The following SHISA9 variants were observed in gnomAD, a reference collection of about 807,000 sequenced individuals.
SHISA9 encodes shisa family member 9, also known as protein shisa-9.
Under a neutral mutation model 38.0 loss-of-function variants are expected in SHISA9, and 13 were observed. That is an observed-to-expected ratio of 0.34 (90% CI 0.22 to 0.54). The LOEUF (loss-of-function observed/expected upper bound fraction) is 0.54, where lower values mean the gene tolerates loss of function less well. Among genes scored for constraint, SHISA9 ranks in the 20% least tolerant of loss-of-function variants. The pLI is 0.91. For synonymous variants in SHISA9, 275 were observed against 242.0 expected (o/e 1.14, Z -1.27); for missense variants, 538 against 575.8 (o/e 0.93, Z 0.67).
At position 13,238,797 on chromosome 16, in the gene SHISA9, T is replaced by A. The variant is rs527713847; in HGVS notation, c.*3388T>A. On this transcript the variant is annotated 3_prime_UTR_variant, in exon 5 of 5. Transcript: ENST00000558583. ...GAAGGTCTTTTTATTCTTTTTTTTT[T>A]AATGTATCCATGGAGTATTTATTAT... is the stretch of plus-strand genomic sequence containing the variant. 6.8e-6 allele frequency: 1 copy of A among 145,988 alleles called. No individual in the cohort carries two copies. The highest frequency in any genetic ancestry group is 7.0e-5 in the Admixed American group (1 of 14,300). The allele number at this position is 145,988 out of a possible 1,614,324, so 9.0% of individuals were successfully genotyped here. A position where few individuals can be genotyped will look rare whatever the true frequency, so the allele number is the denominator to read the frequency against.
the SHISA9 span, among the ~76,000 whole-genome samples, chr16:13,266,099 T>C: frequency 6.6e-6 from 1 of 152,184 alleles, no homozygotes; most frequent in African/African-American, 2.4e-5. Context: ...TTTTTAAATA[T>C]CAAAGCAATT....
chr16:13,536,188 G>T, the SHISA9 span, among the ~76,000 whole-genome samples: 1 of 151,930 alleles, frequency 6.6e-6, no homozygotes, highest in Non-Finnish European at 1.5e-5. Context: ...TAGTAGAGAT[G>T]GGGTTTCACT....
At chr16:12,983,986 A>G (rs1295205291) in intron 2 of SHISA9, among the ~76,000 whole-genome samples, 1 of 152,142 alleles carries the variant, frequency 6.6e-6, no homozygotes, top group Admixed American at 6.6e-5. Flanking sequence ...ATTGGTACCC[A>G]TTCTACTTGG....
chr16:12,995,393 A>G (rs1260253076), intron 2 of SHISA9, among the ~76,000 whole-genome samples: 2 of 152,214 alleles, frequency 1.3e-5, no homozygotes, highest in African/African-American at 4.8e-5. Flanking sequence ...CTGAGAAAGC[A>G]GGTGCCTTGG....
intron 2 of SHISA9, among the ~76,000 whole-genome samples, chr16:13,084,463 T>G (rs946223675): frequency 2.0e-5 from 3 of 152,164 alleles, no homozygotes; most frequent in Non-Finnish European, 1.5e-5. Flanking sequence ...CTCAGGTGCC[T>G]TAGAGTGAGA....
chr16:13,003,039 A>C (rs1384400297), intron 2 of SHISA9, among the ~76,000 whole-genome samples: 1 of 152,200 alleles, frequency 6.6e-6, no homozygotes, highest in African/African-American at 2.4e-5. Flanking sequence ...CTGAAGGAAT[A>C]GTTGGTGTTG....
the SHISA9 span, among the ~76,000 whole-genome samples, chr16:13,299,057 A>G: frequency 3.3e-5 from 5 of 152,204 alleles, no homozygotes; most frequent in South Asian, 4.1e-4. Context: ...TAAGGGGCCT[A>G]CAGAAGGATG....
the SHISA9 span, among the ~76,000 whole-genome samples, chr16:13,551,119 A>G: frequency 2.2e-5 from 3 of 138,712 alleles, no homozygotes; most frequent in East Asian, 6.1e-4. Context: ...GAGAGACTCC[A>G]TCTCGAAAAA....
chr16:13,219,192 T>A (rs2051199220), intron 4 of SHISA9, among the ~76,000 whole-genome samples: 1 of 152,200 alleles, frequency 6.6e-6, no homozygotes, highest in African/African-American at 2.4e-5. Flanking sequence ...AAGATTGCAA[T>A]AAACATTTGA....
chr16:12,930,369 G>C (rs1463713061), intron 2 of SHISA9, among the ~76,000 whole-genome samples: 2 of 152,194 alleles, frequency 1.3e-5, no homozygotes, highest in African/African-American at 4.8e-5. Context: ...TGAGTATCAA[G>C]AGTTGTTGCA....
intron 4 of SHISA9, among the ~76,000 whole-genome samples, chr16:13,217,087 C>T (rs949428027): frequency 2.3e-4 from 34 of 149,876 alleles, no homozygotes; most frequent in African/African-American, 5.9e-4. Flanking sequence ...CTGGCTAACA[C>T]GGTGAAACCC....
At chr16:13,260,773 C>G in the SHISA9 span, among the ~76,000 whole-genome samples, 60 of 152,296 alleles carry the variant, frequency 3.9e-4, no homozygotes, top group Admixed American at 1.2e-3. Context: ...TTTTGGGTAT[C>G]TTTTCAGCAG....
At chr16:13,305,037 T>C in the SHISA9 span, among the ~76,000 whole-genome samples, 1 of 152,210 alleles carries the variant, frequency 6.6e-6, no homozygotes, top group Non-Finnish European at 1.5e-5. Flanking sequence ...ACCAGAGGTG[T>C]TTTCAATTTT....
chr16:13,034,931 A>G (rs2073035818), intron 2 of SHISA9, among the ~76,000 whole-genome samples: 1 of 152,244 alleles, frequency 6.6e-6, no homozygotes, highest in African/African-American at 2.4e-5. Context: ...TGAGACTGAA[A>G]GATCTGCCCA....
In SHISA9 at chr16:13,170,154, G is replaced by A. The variant is rs144067077; in HGVS notation, c.692-33240G>A. Among the ~76,000 whole-genome samples, 787 of 144,154 alleles carry A rather than the reference G, an allele frequency of 5.5e-3. 2 individuals are homozygous for A. The highest frequency in any genetic ancestry group is 0.019 in the African/African-American group (749 of 38,450). The allele number at this position is 144,154 out of a possible 152,430, so 94.6% of individuals were successfully genotyped here. A position where few individuals can be genotyped will look rare whatever the true frequency, so the allele number is the denominator to read the frequency against. Reference sequence around the variant, plus strand: ...GGAGGTGGAGGTTGCAGTGAGCTGAGATCGTGCCATTGCACTCCAGCCTGG... The same window carrying A: ...GGAGGTGGAGGTTGCAGTGAGCTGAAATCGTGCCATTGCACTCCAGCCTGG... On this transcript the variant is annotated intron_variant, in intron 2 of 4. Coordinates refer to ENST00000558583, the MANE Select transcript of SHISA9 (RefSeq NM_001145204.3).
At chr16:13,551,132 A>G in the SHISA9 span, among the ~76,000 whole-genome samples, 1 of 151,922 alleles carries the variant, frequency 6.6e-6, no homozygotes, top group South Asian at 2.1e-4. Context: ...TCGAAAAAAA[A>G]AAAAAGAAGT....
intron 2 of SHISA9, among the ~76,000 whole-genome samples, chr16:13,079,880 A>G (rs189170417): frequency 1.3e-5 from 2 of 152,206 alleles, no homozygotes; most frequent in African/African-American, 4.8e-5. Flanking sequence ...ATTATGGTTT[A>G]AAAAACCCAG....
the SHISA9 span, among the ~76,000 whole-genome samples, chr16:13,397,434 T>C: frequency 1.4e-4 from 21 of 152,010 alleles, no homozygotes; most frequent in East Asian, 3.3e-3. Flanking sequence ...GTTTGTTTGT[T>C]AGTTTGTTTT....
At chr16:13,194,939 G>A (rs183482689) in intron 2 of SHISA9, among the ~76,000 whole-genome samples, 3 of 152,190 alleles carry the variant, frequency 2.0e-5, no homozygotes, top group African/African-American at 4.8e-5. Flanking sequence ...GAGGGAGGAA[G>A]CTAGAATGAT....
Sources: allele counts gnomAD v4.1 joint callset (sites outside exome capture counted in the v4.1 genomes callset), GRCh38; gene constraint gnomAD v4.1.1; transcripts MANE v1.5; gene names NCBI Gene and HGNC (gene_info 2026-07-23, HGNC 2026-07-21).